The following TOP1 variants were observed in gnomAD, a reference collection of about 807,000 sequenced individuals.
TOP1 encodes DNA topoisomerase 1.
In TOP1, 10 loss-of-function variants were observed where a neutral mutation model predicts 111.1. The ratio of observed to expected loss-of-function variants is 0.09; its 90% CI spans 0.06 to 0.15. TOP1 has a LOEUF of 0.15. TOP1 is among the 10% of genes least tolerant of loss of function. TOP1 has a pLI of 1.00. For synonymous variants in TOP1, 271 were observed against 302.9 expected (o/e 0.89, Z 1.10); for missense variants, 474 against 926.7 (o/e 0.51, Z 6.34).
At position 41,116,021 on chromosome 20, in the gene TOP1, G is replaced by A. The variant is rs532523787; in HGVS notation, c.1708-257G>A. On this transcript the variant is annotated intron_variant, in intron 16 of 20. Transcript: ENST00000361337. This position sits in a 1 kb window ranked among gnomAD's most constrained non-coding sequence, Gnocchi z 5.6. ...CGGGAGGTGGAGGCAGCAGTGAACC[G>A]AGATTGTACCACTGCACTCCAGGCT... is the stretch of plus-strand genomic sequence containing the variant. Among the ~76,000 whole-genome samples the A allele has an allele frequency of 1.3e-5, 2 of 152,148 alleles. No individual in the cohort carries two copies. Among genetic ancestry groups the A allele is most frequent in the East Asian group, 1.9e-4 (1 of 5,192 alleles).
intron 2 of TOP1, among the ~76,000 whole-genome samples, chr20:41,049,579 A>G (rs2033377105): frequency 6.6e-6 from 1 of 152,194 alleles, no homozygotes; most frequent in Admixed American, 6.5e-5. Flanking sequence ...AAACTTGGGC[A>G]GTTAGGGGGA....
chr20:41,122,174 T>C lies in TOP1; in HGVS notation c.2195+19T>C. ...TGGCTTGGTAAGTGTTGAGCCCTCCTTGAGCTCCTGCTGCTAGCTTAAGAA... is the reference window on the plus strand; with the variant it reads ...TGGCTTGGTAAGTGTTGAGCCCTCCCTGAGCTCCTGCTGCTAGCTTAAGAA... On this transcript the variant is annotated intron_variant, in intron 20 of 20. Coordinates refer to ENST00000361337, the MANE Select transcript of TOP1 (RefSeq NM_003286.4). This position sits in a 1 kb window ranked among gnomAD's most constrained non-coding sequence, Gnocchi z 5.4. 1 of 1,612,964 alleles carries C rather than the reference T, an allele frequency of 6.2e-7. No individual in the cohort carries two copies. The highest frequency in any genetic ancestry group is 8.5e-7 in the Non-Finnish European group (1 of 1,179,356).
In TOP1 at chr20:41,098,432, A is replaced by C; in HGVS notation, c.975+95A>C. On this transcript the variant is annotated intron_variant, in intron 11 of 20. Transcript: ENST00000361337. The surrounding 1 kb of genome is among the most constrained non-coding windows in gnomAD (Gnocchi z 5.7). ...GTTCTTATGACACAACATTAACATC[A>C]GTAATTTCACATCATTCTATGCTAA... The C allele has an allele frequency of 7.5e-7, 1 of 1,339,068 alleles. No individual in the cohort carries two copies. The highest frequency in any genetic ancestry group is 1.0e-6 in the Non-Finnish European group (1 of 965,500). 82.9% of individuals were successfully genotyped at this position (1,339,068 alleles called of 1,614,324 possible). A position where few individuals can be genotyped will look rare whatever the true frequency, so the allele number is the denominator to read the frequency against.
chr20:41,087,629 C>T (rs987180434), intron 8 of TOP1, among the ~76,000 whole-genome samples: 3 of 152,160 alleles, frequency 2.0e-5, no homozygotes, highest in Admixed American at 1.3e-4. Flanking sequence ...TGACATTTTG[C>T]TCAAACCAGA....
intron 2 of TOP1, among the ~76,000 whole-genome samples, chr20:41,038,854 G>T (rs1471833404): frequency 6.6e-6 from 1 of 152,042 alleles, no homozygotes; most frequent in Non-Finnish European, 1.5e-5. Context: ...CAGGTGTGTT[G>T]GTGCATGCCT....
Position 41,079,337 on chromosome 20 carries a change from C to T in TOP1, c.336-748C>T, listed in dbSNP as rs933632906. Among the ~76,000 whole-genome samples, 1 of 152,094 alleles carries T rather than the reference C, an allele frequency of 6.6e-6. No homozygotes were observed. The highest frequency in any genetic ancestry group is 2.4e-5 in the African/African-American group (1 of 41,404). On this transcript the variant is annotated intron_variant, in intron 5 of 20. Transcript: ENST00000361337. This position sits in a 1 kb window ranked among gnomAD's most constrained non-coding sequence, Gnocchi z 4.0. Reference sequence around the variant, plus strand: ...CCATGGCTGCAGTGATTGCTGGGCTCTATGGTGTTTTTTACTTGTTCCTTC... The same window carrying T: ...CCATGGCTGCAGTGATTGCTGGGCTTTATGGTGTTTTTTACTTGTTCCTTC...
Position 41,080,068 on chromosome 20 carries a change from A to AT in TOP1, c.336-9dup. On this transcript the variant is annotated splice_polypyrimidine_tract_variant and intron_variant, in intron 5 of 20. Transcript: ENST00000361337. This position sits in a 1 kb window ranked among gnomAD's most constrained non-coding sequence, Gnocchi z 5.0. ...AGATGTTCTAGCACTCTGACCAGCA[A>AT]TTTTTTTTCTCTTTAGTCCACCACA... The AT allele has an allele frequency of 1.8e-5, 28 of 1,535,932 alleles. No homozygotes were observed. Among genetic ancestry groups the AT allele is most frequent in the Admixed American group, 3.4e-5 (2 of 58,076 alleles).
rs947235466 is a variant in TOP1, at chr20:41,029,302, C to T, written c.34-129C>T. On this transcript the variant is annotated intron_variant, in intron 1 of 20. Transcript: ENST00000361337. This position sits in a 1 kb window ranked among gnomAD's most constrained non-coding sequence, Gnocchi z 6.1. ...ACAGTTCGAGGCAGGGATGGCTGCC[C>T]TCTGTGGCCACCCCCGGGTCCCCGT... 9 of 890,338 alleles carry T rather than the reference C, an allele frequency of 1.0e-5. No homozygotes were observed. Among genetic ancestry groups the T allele is most frequent in the East Asian group, 3.0e-5 (1 of 32,986 alleles). 55.2% of individuals were successfully genotyped at this position (890,338 alleles called of 1,614,324 possible). A position where few individuals can be genotyped will look rare whatever the true frequency, so the allele number is the denominator to read the frequency against.
At position 41,098,195 on chromosome 20, in the gene TOP1, C is replaced by T; in HGVS notation, c.853-20C>T. On this transcript the variant is annotated intron_variant, in intron 10 of 20. Transcript: ENST00000361337. The surrounding 1 kb of genome is among the most constrained non-coding windows in gnomAD (Gnocchi z 5.7). ...TATTTTCGTTGTTTTTCTTTCATCT[C>T]CCCATTTTCTTTTGACTAGGAAATG... 4 of 1,613,018 alleles carry T rather than the reference C, an allele frequency of 2.5e-6. No homozygotes were observed. Among genetic ancestry groups the T allele is most frequent in the Non-Finnish European group, 3.4e-6 (4 of 1,179,168 alleles).
rs912418333 is a variant in TOP1, at chr20:41,100,276, G to C, written c.1163+33G>C. On this transcript the variant is annotated intron_variant, in intron 12 of 20. Transcript: ENST00000361337. The surrounding 1 kb of genome is among the most constrained non-coding windows in gnomAD (Gnocchi z 4.4). ...CGCACTTCATCCTATGGGCCAAAAA[G>C]GGGGTGGAGGGCGTCCTTTATTGTA... 1.9e-6 allele frequency: 3 copies of C among 1,568,366 alleles called. No homozygotes were observed. In the East Asian group the frequency reaches 6.7e-5, roughly 35 times the overall value.
rs1277514414 is a variant in TOP1, at chr20:41,116,331, G to A, written c.1761G>A (p.Lys587=). The change falls in exon 17 of 21, where the codon AAG becomes AAA. Residue 587 remains lysine, a synonymous_variant. Transcript: ENST00000361337. This position sits in a 1 kb window ranked among gnomAD's most constrained non-coding sequence, Gnocchi z 5.6. ...LQDLMEGLTA[K]VFRTYNASIT... is the part of the protein sequence containing the mutation. ...ATCTCATGGAGGGCTTGACAGCCAA[G>A]GTATTCCGTACATACAATGCCTCCA... is the stretch of plus-strand genomic sequence containing the variant. 6.2e-7 allele frequency: 1 copy of A among 1,613,384 alleles called. No individual in the cohort carries two copies. The highest frequency in any genetic ancestry group is 2.2e-5 in the East Asian group (1 of 44,896).
chr20:41,044,918 G>A (rs2122601238), intron 2 of TOP1, among the ~76,000 whole-genome samples: 1 of 152,252 alleles, frequency 6.6e-6, no homozygotes, highest in East Asian at 1.9e-4. Flanking sequence ...CCTCCCGATA[G>A]CTAGGATTAC....
Position 41,121,999 on chromosome 20 carries a change from C to T in TOP1, c.2046-7C>T, listed in dbSNP as rs553750567. 2.8e-5 allele frequency: 45 copies of T among 1,613,714 alleles called. No individual in the cohort carries two copies. The highest frequency in any genetic ancestry group is 1.5e-4 in the South Asian group (14 of 91,054). On this transcript the variant is annotated splice_polypyrimidine_tract_variant and splice_region_variant and intron_variant, in intron 19 of 20. Transcript: ENST00000361337. The surrounding 1 kb of genome is among the most constrained non-coding windows in gnomAD (Gnocchi z 4.2). ...CCTGGTTCTTGAGGACTTTGCTATTCTTCTAGGGTAGTAGAGTCAAAGAAG... is the reference window on the plus strand; with the variant it reads ...CCTGGTTCTTGAGGACTTTGCTATTTTTCTAGGGTAGTAGAGTCAAAGAAG...
rs1257003396 is a variant in TOP1, at chr20:41,060,764, A to T, written c.59-630A>T. On this transcript the variant is annotated intron_variant, in intron 2 of 20. Coordinates refer to ENST00000361337, the MANE Select transcript of TOP1 (RefSeq NM_003286.4). Reference sequence around the variant, plus strand: ...TGCATATAACCTACACAATCCTTATATATACTTTAACTCACCACCACATTA... The same window carrying T: ...TGCATATAACCTACACAATCCTTATTTATACTTTAACTCACCACCACATTA... Among the ~76,000 whole-genome samples, 3 of 152,302 alleles carry T rather than the reference A, an allele frequency of 2.0e-5. No individual in the cohort carries two copies. In the East Asian group the frequency reaches 5.8e-4, roughly 29 times the overall value.
chr20:41,055,558 T>TTC (rs2033460126), intron 2 of TOP1, among the ~76,000 whole-genome samples: 1 of 152,232 alleles, frequency 6.6e-6, no homozygotes, highest in Non-Finnish European at 1.5e-5. Context: ...TGGCTCAGGC[T>TTC]GGTCCATCAT....
At position 41,121,086 on chromosome 20, in the gene TOP1, A is replaced by G. The variant is rs2034416483; in HGVS notation, c.1951-610A>G. Among the ~76,000 whole-genome samples, 2 of 152,168 alleles carry G rather than the reference A, an allele frequency of 1.3e-5. No homozygotes were observed. The highest frequency in any genetic ancestry group is 4.8e-5 in the African/African-American group (2 of 41,430). ...CAGAATGCCAAAGCTAAGCCCTGCC[A>G]TGTCCTGGTTTGGGACAGACTGGCT... is the stretch of plus-strand genomic sequence containing the variant. On this transcript the variant is annotated intron_variant, in intron 18 of 20. Coordinates refer to ENST00000361337, the MANE Select transcript of TOP1 (RefSeq NM_003286.4). This position sits in a 1 kb window ranked among gnomAD's most constrained non-coding sequence, Gnocchi z 4.2.
At chr20:41,049,048 G>T (rs2033368993) in intron 2 of TOP1, among the ~76,000 whole-genome samples, 1 of 152,222 alleles carries the variant, frequency 6.6e-6, no homozygotes, top group Non-Finnish European at 1.5e-5. Flanking sequence ...TGCGGAAGTG[G>T]CCTGGAAGAG....
chr20:41,088,861 A>T (rs2033880438), intron 8 of TOP1, among the ~76,000 whole-genome samples: 1 of 152,106 alleles, frequency 6.6e-6, no homozygotes, highest in East Asian at 1.9e-4. Flanking sequence ...AATACATATG[A>T]CATAACATTT....
intron 9 of TOP1, among the ~76,000 whole-genome samples, chr20:41,096,055 C>CT (rs2033977372): frequency 6.6e-6 from 1 of 152,170 alleles, no homozygotes; most frequent in South Asian, 2.1e-4. Context: ...GTGAAAACAT[C>CT]TGAGTCCCTT....
Sources: allele counts gnomAD v4.1 joint callset (sites outside exome capture counted in the v4.1 genomes callset), GRCh38; gene constraint gnomAD v4.1.1; non-coding constraint Gnocchi (gnomAD v3.1); transcripts MANE v1.5; gene names NCBI Gene and HGNC (gene_info 2026-07-23, HGNC 2026-07-21).